MRTFB: variants seen among roughly 807,000 people sequenced by gnomAD.
The protein encoded by MRTFB is myocardin related transcription factor B, also known as myocardin-related transcription factor B.
Under a neutral mutation model 104.2 loss-of-function variants are expected in MRTFB, and 29 were observed. The observed-to-expected ratio is 0.28, with a 90% CI of 0.21 to 0.38. The LOEUF is 0.38. MRTFB is among the 10% of genes least tolerant of loss of function. The pLI, the probability that MRTFB is intolerant of heterozygous loss-of-function variation, is 1.00. For missense variants in MRTFB, 1,270 were observed against 1,341.6 expected, an observed-to-expected ratio of 0.95 and a Z score of 0.83; for synonymous variants, 535 against 519.5, an observed-to-expected ratio of 1.03 and a Z score of -0.41.
At chr16:14,017,612 T>C in the MRTFB span, among the ~76,000 whole-genome samples, 2 of 39,936 alleles carry the variant, frequency 5.0e-5, no homozygotes, top group Admixed American at 3.7e-4. Flanking sequence ...TATATATATA[T>C]ATATATATAT....
chr16:14,089,783 G>C (rs1475682044), intron 2 of MRTFB, among the ~76,000 whole-genome samples: 1 of 152,140 alleles, frequency 6.6e-6, no homozygotes. Context: ...ATTTCTCCAA[G>C]TCCTTGGCAA....
the MRTFB span, among the ~76,000 whole-genome samples, chr16:14,061,742 G>C: frequency 2.7e-4 from 41 of 152,198 alleles, no homozygotes; most frequent in East Asian, 3.9e-3. Flanking sequence ...AGTCAAAGGA[G>C]GGGGAGGGCC....
At chr16:14,017,708 TA>T in the MRTFB span, among the ~76,000 whole-genome samples, 42 of 21,540 alleles carry the variant, frequency 1.9e-3, 9 homozygotes, top group Admixed American at 4.4e-3. Flanking sequence ...TATATATATA[TA>T]TATTTTTTTT....
the MRTFB span, among the ~76,000 whole-genome samples, chr16:14,016,682 A>G: frequency 6.8e-6 from 1 of 148,040 alleles, no homozygotes; most frequent in Non-Finnish European, 1.5e-5. Context: ...CTGAGGCAGG[A>G]GAATGGCTTG....
chr16:14,168,033 A>G (rs2039305345), intron 3 of MRTFB, among the ~76,000 whole-genome samples: 1 of 152,136 alleles, frequency 6.6e-6, no homozygotes. Context: ...GAAGGGGCCT[A>G]GTTTTAGTTT....
chr16:14,189,388 T>C (rs1296171867), intron 3 of MRTFB, among the ~76,000 whole-genome samples: 2 of 152,210 alleles, frequency 1.3e-5, no homozygotes, highest in Non-Finnish European at 2.9e-5. Context: ...AAATATTGGG[T>C]CCTGCATCGT....
Position 14,243,864 on chromosome 16 carries a change from G to GTTTTTTTTTTTTTTTTTTTTTTTTTT in MRTFB, c.1080-1651_1080-1650insTTTTTTTTTTTTTTTTTTTTTTTTTT, listed in dbSNP as rs56296807. 3.5e-4 allele frequency among the ~76,000 whole-genome samples: 44 copies of GTTTTTTTTTTTTTTTTTTTTTTTTTT among 124,642 alleles called. 5 individuals carry two copies. Among genetic ancestry groups the GTTTTTTTTTTTTTTTTTTTTTTTTTT allele is most frequent in the Middle Eastern group, 4.2e-3 (1 of 240 alleles). 81.8% of individuals were successfully genotyped at this position (124,642 alleles called of 152,430 possible). On this transcript the variant is annotated intron_variant, in intron 10 of 16. Coordinates refer to ENST00000571589, the MANE Select transcript of MRTFB (RefSeq NM_001308142.2). ...CAGAGATTAGTTTTGCCTGTTTTGG[G>GTTTTTTTTTTTTTTTTTTTTTTTTTT]TTTTTTTTTTTTTGAGACAGAGTCT...
At chr16:14,259,166 G>A (rs919817885) in intron 16 of MRTFB, among the ~76,000 whole-genome samples, 13 of 152,188 alleles carry the variant, frequency 8.5e-5, no homozygotes, top group Non-Finnish European at 1.9e-4. Context: ...CAACCCCCGT[G>A]GCTTATGCCT....
chr16:14,056,350 TG>T, the MRTFB span, among the ~76,000 whole-genome samples: 1 of 152,154 alleles, frequency 6.6e-6, no homozygotes, highest in Non-Finnish European at 1.5e-5. Context: ...CTCCTTTTCT[TG>T]CTTACTCCTT....
chr16:14,158,275 C>G (rs1055439126), intron 3 of MRTFB, among the ~76,000 whole-genome samples: 3 of 152,192 alleles, frequency 2.0e-5, no homozygotes, highest in Non-Finnish European at 4.4e-5. Context: ...TTTCCACATT[C>G]TTCCTTCTTG....
the MRTFB span, among the ~76,000 whole-genome samples, chr16:14,025,077 CAACT>C: frequency 1.3e-5 from 2 of 152,066 alleles, no homozygotes; most frequent in Non-Finnish European, 2.9e-5. Flanking sequence ...CAATATGCAC[CAACT>C]GAGGGTTGTT....
chr16:14,006,642 C>T, the MRTFB span, among the ~76,000 whole-genome samples: 2 of 152,002 alleles, frequency 1.3e-5, no homozygotes, highest in Non-Finnish European at 2.9e-5. Context: ...GTGTTCTAAA[C>T]AATAGTATTG....
At chr16:14,155,558 A>T (rs950518373) in intron 3 of MRTFB, among the ~76,000 whole-genome samples, 1 of 152,116 alleles carries the variant, frequency 6.6e-6, no homozygotes, top group East Asian at 1.9e-4. Flanking sequence ...TGTTGTCTTC[A>T]GTTAAAGAAA....
At chr16:14,072,852 C>T (rs2033800039) in intron 1 of MRTFB, among the ~76,000 whole-genome samples, 1 of 152,204 alleles carries the variant, frequency 6.6e-6, no homozygotes, top group Middle Eastern at 3.2e-3. Context: ...ACAAGCCCTC[C>T]ATGGATCCAT....
intron 15 of MRTFB, among the ~76,000 whole-genome samples, chr16:14,253,952 G>T (rs1208167277): frequency 6.6e-6 from 1 of 152,218 alleles, no homozygotes; most frequent in African/African-American, 2.4e-5. Context: ...CTTCACAGGG[G>T]AGCAGAGACG....
intron 1 of MRTFB, among the ~76,000 whole-genome samples, chr16:14,072,231 C>A (rs1260412336): frequency 6.6e-6 from 1 of 152,098 alleles, no homozygotes; most frequent in East Asian, 1.9e-4. Flanking sequence ...ATGTATAAAG[C>A]CCTCTTTACT....
chr16:14,252,075 C>T (rs1241788141), intron 14 of MRTFB, 52 bp downstream of exon 14: 1 of 1,582,666 alleles, frequency 6.3e-7, no homozygotes, highest in South Asian at 1.1e-5. Context: ...GGCATCAAAT[C>T]ATTCCAAAGC....
At position 14,240,255 on chromosome 16, in the gene MRTFB, C is replaced by G. The variant is rs145636727; in HGVS notation, c.850C>G (p.Pro284Ala). 2 of 1,599,604 alleles carry G rather than the reference C, an allele frequency of 1.3e-6. No individual in the cohort carries two copies. The highest frequency in any genetic ancestry group is 2.7e-5 in the African/African-American group (2 of 74,188). Residue 284 changes from proline to alanine, a missense_variant, in exon 10 of 17, where the codon CCA becomes GCA. Pro to Ala is a conservative substitution (Grantham distance 27, BLOSUM62 -1). Around this residue, in one of 3 missense-constraint regions of MRTFB, gnomAD observed 1,144 missense variants for 1,131.5 expected, o/e 1.01. Transcript: ENST00000571589. ...ALVKQSHPKN[P>A]NDKHRSKKCK... ...AAAATAGCAAAGCCATCCCAAGAAT[C>G]CAAATGACAAACACCGTAGCAAAAA...
At chr16:14,002,750 T>C in the MRTFB span, among the ~76,000 whole-genome samples, 1 of 152,146 alleles carries the variant, frequency 6.6e-6, no homozygotes, top group Non-Finnish European at 1.5e-5. Flanking sequence ...TAAAAATAAT[T>C]ATGGTAATTA....
Sources: gnomAD v4.1 joint callset for allele counts (sites outside exome capture counted in the v4.1 genomes callset) on GRCh38, gnomAD v4.1.1 for gene constraint, gnomAD v4.1.1 regional missense constraint, MANE v1.5 for transcripts, NCBI Gene and HGNC (gene_info 2026-07-23, HGNC 2026-07-21) for gene names.